The following AHI1 variants were observed in gnomAD, a reference collection of about 807,000 sequenced individuals.
The protein encoded by AHI1 is jouberin.
In AHI1, 123 loss-of-function variants were observed where a neutral mutation model predicts 149.3. That is an observed-to-expected ratio of 0.82 (90% confidence interval 0.71 to 0.96). The LOEUF (loss-of-function observed/expected upper bound fraction) is 0.96. Ranked by LOEUF, AHI1 falls within the 40% of genes least tolerant of loss-of-function variation. AHI1 has a pLI of 0.00. For missense variants in AHI1, 1,439 were observed against 1,422.7 expected (o/e 1.01, Z -0.18); for synonymous variants, 475 against 459.8 (o/e 1.03, Z -0.42).
rs1789140633 is a variant in AHI1 at position 135,457,388 on chromosome 6, A to G, written c.1151+106T>C. 3 of 772,750 alleles carry G rather than the reference A, an allele frequency of 3.9e-6. No homozygotes were observed. In the South Asian group the frequency reaches 5.5e-5, roughly 14 times the overall value. The allele number at this position is 772,750 out of a possible 1,614,324, so 47.9% of individuals were successfully genotyped here. A position where few individuals can be genotyped will look rare whatever the true frequency, so the allele number is the denominator to read the frequency against. On this transcript the variant is annotated intron_variant, in intron 9 of 28. Transcript: ENST00000265602. The stretch of plus-strand genomic sequence containing the variant: ...TACAACTAGTAGACTATTCTCTAAT[A>G]CAAATCCATAACTCTATTCCCACTG...
chr6:135,329,085 C>G (rs1243195136), intron 24 of AHI1, among the ~76,000 whole-genome samples: 2 of 152,180 alleles, frequency 1.3e-5, no homozygotes, highest in Non-Finnish European at 2.9e-5. Flanking sequence ...AAGAAAGAAG[C>G]CATCTCCGTA....
At chr6:135,358,484 G>A (rs994874641) in intron 23 of AHI1, among the ~76,000 whole-genome samples, 1 of 152,050 alleles carries the variant, frequency 6.6e-6, no homozygotes, top group African/African-American at 2.4e-5. Context: ...CCATTATCTG[G>A]GCTCTGCTGC....
intron 2 of AHI1, among the ~76,000 whole-genome samples, chr6:135,496,212 G>A (rs532367889): frequency 2.3e-4 from 35 of 152,154 alleles, no homozygotes; most frequent in Non-Finnish European, 4.1e-4. Context: ...CGCCTCCTGG[G>A]TTCAAGCAAT....
chr6:135,364,253 G>A (rs561159518), intron 23 of AHI1, among the ~76,000 whole-genome samples: 1,900 of 151,572 alleles, frequency 0.013, 29 homozygotes, highest in African/African-American at 0.042. Flanking sequence ...CATCCTGGAC[G>A]GGGCGGCAGG....
chr6:135,391,768 T>C (rs1778534987), intron 23 of AHI1, among the ~76,000 whole-genome samples: 1 of 152,202 alleles, frequency 6.6e-6, no homozygotes, highest in Non-Finnish European at 1.5e-5. Context: ...AGAAAGACTT[T>C]ATTCAGGGCT....
rs558578611 is a variant in AHI1, at chr6:135,488,885, G to A, written c.135+1738C>T. Among the ~76,000 whole-genome samples, 8 of 152,244 alleles carry A rather than the reference G, an allele frequency of 5.3e-5. No individual in the cohort carries two copies. In the South Asian group the frequency reaches 1.2e-3, roughly 24 times the overall value. On this transcript the variant is annotated intron_variant, in intron 5 of 28. Coordinates refer to ENST00000265602, the MANE Select transcript of AHI1 (RefSeq NM_001134831.2). ...AGTGGATTCTGCACTTCCACTCAGT[G>A]TTTGAATCCTGGTTCTACCATTTAC... is the stretch of plus-strand genomic sequence containing the variant.
At position 135,337,164 on chromosome 6, in the gene AHI1, A is replaced by G. The variant is rs9376104; in HGVS notation, c.3166-13840T>C. 2.2e-4 allele frequency among the ~76,000 whole-genome samples: 33 copies of G among 152,256 alleles called. No individual in the cohort carries two copies. In the East Asian group the frequency reaches 5.6e-3, roughly 26 times the overall value. On this transcript the variant is annotated intron_variant, in intron 24 of 28. Coordinates refer to ENST00000265602, the MANE Select transcript of AHI1 (RefSeq NM_001134831.2). Reference sequence around the variant, plus strand: ...ACTTTCCTTAAAATTATGCCAAAAAAAAAGGGTCTTAAAGACTTGGCATTT... The same window carrying G: ...ACTTTCCTTAAAATTATGCCAAAAAGAAAGGGTCTTAAAGACTTGGCATTT...
At chr6:135,398,056 A>C (rs1407268082) in intron 22 of AHI1, among the ~76,000 whole-genome samples, 3 of 96,584 alleles carry the variant, frequency 3.1e-5, no homozygotes, top group African/African-American at 1.3e-4. Flanking sequence ...AATACCCAGG[A>C]TGTTTTTTTT....
chr6:135,333,884 A>G (rs1237327927), intron 24 of AHI1, among the ~76,000 whole-genome samples: 3 of 152,216 alleles, frequency 2.0e-5, no homozygotes, highest in Non-Finnish European at 4.4e-5. Flanking sequence ...TATCAAAAGA[A>G]CAGCATTCAT....
intron 23 of AHI1, among the ~76,000 whole-genome samples, chr6:135,382,909 AAAAAAAAAAAAAAAAAAATATAT>A (rs1196802879): frequency 4.0e-5 from 4 of 99,896 alleles, no homozygotes; most frequent in African/African-American, 1.5e-4. Flanking sequence ...AAAAAAAAAA[AAAAAAAAAAAAAAAAAAATATAT>A]ATATATATAT....
chr6:135,463,211 A>G lies in AHI1; in HGVS notation c.845T>C (p.Ile282Thr). The change falls in exon 8 of 29, where the codon ATA becomes ACA. Residue 282 changes from isoleucine (I) to threonine (T), a missense_variant. Transcript: ENST00000265602. ...TTCTGTGCTTTGTTCCATTGAGCTT[A>G]TTTCATCATCTTGATGAGAATCTGA... ...VSSDSHQDDE[I>T]SSMEQSTEDS... is the part of the protein sequence containing the mutation. The G allele has an allele frequency of 6.2e-7, 1 of 1,609,786 alleles. No individual in the cohort carries two copies. The highest frequency in any genetic ancestry group is 2.2e-5 in the East Asian group (1 of 44,768).
Position 135,339,340 on chromosome 6 carries a change from A to G in AHI1, c.3166-16016T>C, listed in dbSNP as rs554518695. ...TCCATATGGAGGCAAAATAGTTAACAGAATTGCTTCTGAGAAAGCCCAGAT... is the reference window on the plus strand; with the variant it reads ...TCCATATGGAGGCAAAATAGTTAACGGAATTGCTTCTGAGAAAGCCCAGAT... On this transcript the variant is annotated intron_variant, in intron 24 of 28. Transcript: ENST00000265602. 9.2e-5 allele frequency among the ~76,000 whole-genome samples: 14 copies of G among 152,320 alleles called. No individual in the cohort carries two copies. In the South Asian group the frequency reaches 2.9e-3, roughly 32 times the overall value.
intron 22 of AHI1, among the ~76,000 whole-genome samples, chr6:135,402,747 C>G (rs1281012598): frequency 1.3e-5 from 2 of 152,138 alleles, no homozygotes; most frequent in Non-Finnish European, 2.9e-5. Flanking sequence ...AATGTACATC[C>G]TCTTCCTTTT....
intron 23 of AHI1, among the ~76,000 whole-genome samples, chr6:135,377,730 C>T (rs1475282013): frequency 2.6e-5 from 4 of 152,024 alleles, no homozygotes; most frequent in South Asian, 2.1e-4. Flanking sequence ...ATCTTCCTGC[C>T]CCAACCTCCC....
chr6:135,463,096 C>T (rs1790172773), intron 8 of AHI1, 29 bp downstream of exon 8: 1 of 1,534,778 alleles, frequency 6.5e-7, no homozygotes, highest in African/African-American at 1.4e-5. Flanking sequence ...CCAACATACA[C>T]AATTTTTCAT....
chr6:135,392,029 C>G (rs1211685946), intron 23 of AHI1, among the ~76,000 whole-genome samples: 4 of 152,104 alleles, frequency 2.6e-5, no homozygotes, highest in Non-Finnish European at 5.9e-5. Context: ...CCAAGAGTTC[C>G]ATTGGAACAC....
chr6:135,448,706 A>G (rs1268518305), intron 11 of AHI1, among the ~76,000 whole-genome samples: 1 of 152,184 alleles, frequency 6.6e-6, no homozygotes, highest in African/African-American at 2.4e-5. Flanking sequence ...CTCTCTTTTC[A>G]CGTGTACAAC....
chr6:135,432,647 C>T (rs533975266), intron 16 of AHI1, among the ~76,000 whole-genome samples: 13 of 152,194 alleles, frequency 8.5e-5, no homozygotes, highest in Middle Eastern at 3.4e-3. Flanking sequence ...CCACCGCGCC[C>T]GGCCACCATA....
At chr6:135,446,944 T>A (rs1288785195) in intron 13 of AHI1, 64 bp downstream of exon 13, 1 of 1,475,982 alleles carries the variant, frequency 6.8e-7, no homozygotes, top group East Asian at 2.4e-5. Flanking sequence ...ATCCTAGGAG[T>A]TATTGGAGTT....
Sources: gnomAD v4.1 joint callset for allele counts (sites outside exome capture counted in the v4.1 genomes callset) on GRCh38, gnomAD v4.1.1 for gene constraint, MANE v1.5 for transcripts, NCBI Gene and HGNC (gene_info 2026-07-23, HGNC 2026-07-21) for gene names.